The following KDM4C variants were observed in gnomAD, a reference collection of about 807,000 sequenced individuals.
The protein encoded by KDM4C is lysine-specific demethylase 4C.
KDM4C carries 81 observed loss-of-function variants against 129.3 expected under a neutral mutation model. That is an observed-to-expected ratio of 0.63 (90% confidence interval 0.52 to 0.75). KDM4C has a LOEUF of 0.75. Among genes scored for constraint, KDM4C ranks in the 30% least tolerant of loss-of-function variants. The pLI is 0.00. For missense variants in KDM4C, 1,457 were observed against 1,304.0 expected, an observed-to-expected ratio of 1.12 and a Z score of -1.81; for synonymous variants, 573 against 456.1, an observed-to-expected ratio of 1.26 and a Z score of -3.26.
chr9:7,139,555 G>A (rs758399150), intron 19 of KDM4C, among the ~76,000 whole-genome samples: 1 of 152,134 alleles, frequency 6.6e-6, no homozygotes, highest in Admixed American at 6.5e-5. Flanking sequence ...AAAATTATAT[G>A]TATATATATT....
At chr9:6,857,931 T>G (rs1169092353) in intron 5 of KDM4C, among the ~76,000 whole-genome samples, 1 of 148,014 alleles carries the variant, frequency 6.8e-6, no homozygotes, top group Non-Finnish European at 1.5e-5. Flanking sequence ...AGTTTTTTTT[T>G]TTTTTTTTTT....
rs188135508 is a variant in KDM4C at position 6,822,046 on chromosome 9, A to C, written c.435+7301A>C. 9.8e-5 allele frequency among the ~76,000 whole-genome samples: 15 copies of C among 152,336 alleles called. No homozygotes were observed. In the East Asian group the frequency reaches 2.9e-3, roughly 29 times the overall value. On this transcript the variant is annotated intron_variant, in intron 4 of 21. Transcript: ENST00000381309. ...TGGCAACAGTAACACAACTTAAGCA[A>C]GTTATTATTTTTAAAACCAAAAAAC...
upstream of KDM4C, chr9:6,757,830 A>T (rs1203923933): frequency 1.0e-6 from 1 of 985,538 alleles, no homozygotes; most frequent in African/African-American, 1.7e-5. Context: ...GATGCGCGCC[A>T]GCAAGCCTAA....
chr9:6,998,979 G>A (rs1464224242), intron 12 of KDM4C, among the ~76,000 whole-genome samples: 1 of 152,024 alleles, frequency 6.6e-6, no homozygotes, highest in Non-Finnish European at 1.5e-5. Flanking sequence ...TATTTTCTGA[G>A]TACTTCACCC....
chr9:7,097,256 A>G (rs1211369581), intron 17 of KDM4C, among the ~76,000 whole-genome samples: 1 of 152,240 alleles, frequency 6.6e-6, no homozygotes. Context: ...CATGTCTGCC[A>G]ATAAGCCTCC....
rs570036406 is a variant in KDM4C, at chr9:6,816,685, C to T, written c.435+1940C>T. Among the ~76,000 whole-genome samples, 14 of 152,262 alleles carry T rather than the reference C, an allele frequency of 9.2e-5. No individual in the cohort carries two copies. The South Asian group carries it at 2.3e-3, about 25-fold the overall frequency. On this transcript the variant is annotated intron_variant, in intron 4 of 21. Coordinates refer to ENST00000381309, the MANE Select transcript of KDM4C (RefSeq NM_015061.6). ...TTTGCCCCACATCCTCCCTAACACT[C>T]GATATTGTCATTTCTTTAATTTTAG...
rs908497411 is a variant in KDM4C at position 7,011,816 on chromosome 9, T to C, written c.1905T>C (p.Asn635=). The C allele has an allele frequency of 3.1e-6, 5 of 1,614,052 alleles. No homozygotes were observed. The East Asian group carries it at 6.7e-5, about 22-fold the overall frequency. ...ACTTCGCAGCTGAGCAAGAGTATAA[T>C]GCAACAGTGGCCAGGATGAAGCCAC... The part of the protein sequence containing the change: ...SPNFAAEQEY[N]ATVARMKPHC... The change falls in exon 13 of 22, where the codon AAT becomes AAC. Residue 635 remains asparagine, a synonymous_variant. Transcript: ENST00000381309.
intron 4 of KDM4C, chr9:6,834,662 C>G: frequency 2.5e-6 from 2 of 802,004 alleles, no homozygotes; most frequent in Non-Finnish European, 4.5e-6. Flanking sequence ...CCTGAAGTGC[C>G]TCATCGAGCA....
In KDM4C at chr9:6,921,735, T is replaced by C. The variant is rs916056970; in HGVS notation, c.921+28503T>C. ...TTCCCATCTCGCTTCCATTAAAATTTAATATGCTTACCATGGTGAGCAAAT... is the reference window on the plus strand; with the variant it reads ...TTCCCATCTCGCTTCCATTAAAATTCAATATGCTTACCATGGTGAGCAAAT... On this transcript the variant is annotated intron_variant, in intron 8 of 21. Transcript: ENST00000381309. Among the ~76,000 whole-genome samples the C allele has an allele frequency of 1.1e-4, 16 of 152,298 alleles. No individual in the cohort carries two copies. In the South Asian group the frequency reaches 1.7e-3, roughly 16 times the overall value.
In KDM4C at chr9:6,918,055, T is replaced by G. The variant is rs1394913426; in HGVS notation, c.921+24823T>G. ...TTATTTTAGGTTCAGAGGGTAGATGTGCAGGTTTGTTACATTGGTATATTG... is the reference window on the plus strand; with the variant it reads ...TTATTTTAGGTTCAGAGGGTAGATGGGCAGGTTTGTTACATTGGTATATTG... On this transcript the variant is annotated intron_variant, in intron 8 of 21. Coordinates refer to ENST00000381309, the MANE Select transcript of KDM4C (RefSeq NM_015061.6). Among the ~76,000 whole-genome samples the G allele has an allele frequency of 1.3e-5, 2 of 152,232 alleles. 1 individual carries two copies. Among genetic ancestry groups the G allele is most frequent in the African/African-American group, 4.8e-5 (2 of 41,460 alleles).
At position 6,984,159 on chromosome 9, in the gene KDM4C, T is replaced by C. The variant is rs763478361; in HGVS notation, c.1116-7T>C. On this transcript the variant is annotated splice_polypyrimidine_tract_variant and splice_region_variant and intron_variant, in intron 9 of 21. Coordinates refer to ENST00000381309, the MANE Select transcript of KDM4C (RefSeq NM_015061.6). ...CCCGCTCTGACCACTGCTTCTCTTG[T>C]TGACAGCTTCCAGTGTGCTAGGTCT... The C allele has an allele frequency of 3.1e-6, 5 of 1,598,626 alleles. No homozygotes were observed. The Admixed American group carries it at 5.0e-5, about 16-fold the overall frequency.
At chr9:6,764,525 G>A (rs1202753573) in intron 1 of KDM4C, among the ~76,000 whole-genome samples, 1 of 152,192 alleles carries the variant, frequency 6.6e-6, no homozygotes, top group African/African-American at 2.4e-5. Context: ...TGTGTCAGAT[G>A]TGGACAGCAG....
chr9:6,863,963 A>G (rs1029646820), intron 5 of KDM4C, among the ~76,000 whole-genome samples: 2 of 152,100 alleles, frequency 1.3e-5, no homozygotes, highest in Admixed American at 6.6e-5. Context: ...ATTAGGCCCC[A>G]CCTCCAACAT....
rs894250284 is a variant in KDM4C at position 6,758,275 on chromosome 9, C to A, written c.-18+72C>A. On this transcript the variant is annotated intron_variant, in intron 1 of 21. Transcript: ENST00000381309. The surrounding 1 kb of genome is among the most constrained non-coding windows in gnomAD (Gnocchi z 4.6). ...GGAGAGGTCTTCCCGGCACTGCCCC[C>A]CTCCGCGTGGGGCACGGGGGTGCGG... 6.7e-6 allele frequency: 6 copies of A among 890,550 alleles called. No homozygotes were observed. The highest frequency in any genetic ancestry group is 5.1e-5 in the South Asian group (1 of 19,446). The allele number at this position is 890,550 out of a possible 1,614,324, so 55.2% of individuals were successfully genotyped here.
In KDM4C at chr9:6,758,246, G is replaced by A. The variant is rs900174212; in HGVS notation, c.-18+43G>A. On this transcript the variant is annotated intron_variant, in intron 1 of 21. Coordinates refer to ENST00000381309, the MANE Select transcript of KDM4C (RefSeq NM_015061.6). The surrounding 1 kb of genome is among the most constrained non-coding windows in gnomAD (Gnocchi z 4.6). ...GTCTGGGGGCCAGGGCGGGGGGAGGGTCCGGAGAGGTCTTCCCGGCACTGC... is the reference window on the plus strand; with the variant it reads ...GTCTGGGGGCCAGGGCGGGGGGAGGATCCGGAGAGGTCTTCCCGGCACTGC... 3 of 971,144 alleles carry A rather than the reference G, an allele frequency of 3.1e-6. No homozygotes were observed. The highest frequency in any genetic ancestry group is 1.2e-4 in the Admixed American group (2 of 16,254). 60.2% of individuals were successfully genotyped at this position (971,144 alleles called of 1,614,324 possible). A position where few individuals can be genotyped will look rare whatever the true frequency, so the allele number is the denominator to read the frequency against.
chr9:7,116,825 C>T (rs569172079), intron 18 of KDM4C, among the ~76,000 whole-genome samples: 1 of 152,286 alleles, frequency 6.6e-6, no homozygotes, highest in South Asian at 2.1e-4. Flanking sequence ...GTCATTCTCT[C>T]CTCATGTAAG....
At chr9:6,810,595 G>C (rs1268917393) in intron 3 of KDM4C, among the ~76,000 whole-genome samples, 2 of 151,926 alleles carry the variant, frequency 1.3e-5, no homozygotes, top group African/African-American at 4.8e-5. Context: ...ATTTACGCTG[G>C]GTACAGTGGT....
At chr9:6,926,931 A>G (rs1175500740) in intron 8 of KDM4C, among the ~76,000 whole-genome samples, 5 of 152,214 alleles carry the variant, frequency 3.3e-5, no homozygotes, top group African/African-American at 1.2e-4. Flanking sequence ...GATGCAATTA[A>G]ATGTATACAT....
At chr9:6,969,603 C>T (rs1358121319) in intron 8 of KDM4C, among the ~76,000 whole-genome samples, 5 of 152,196 alleles carry the variant, frequency 3.3e-5, no homozygotes, top group African/African-American at 1.2e-4. Flanking sequence ...ACTGTCTTAC[C>T]TGATAACGCA....
Sources: allele counts gnomAD v4.1 joint callset (sites outside exome capture counted in the v4.1 genomes callset), GRCh38; gene constraint gnomAD v4.1.1; non-coding constraint Gnocchi (gnomAD v3.1); transcripts MANE v1.5; gene names NCBI Gene and HGNC (gene_info 2026-07-23, HGNC 2026-07-21).